Variants in XRN2 observed in about 807,000 individuals in gnomAD.
XRN2 encodes the protein DHM1-like protein.
Under a neutral mutation model 138.5 loss-of-function variants are expected in XRN2, and 44 were observed. The ratio of observed to expected loss-of-function variants is 0.32; its 90% CI spans 0.25 to 0.41. The LOEUF (loss-of-function observed/expected upper bound fraction) is 0.41. Among genes scored for constraint, XRN2 ranks in the 10% least tolerant of loss-of-function variants. The probability of loss-of-function intolerance (pLI) is 1.00; values close to 1 mark genes in which losing one functional copy is unlikely to be tolerated. For missense variants in XRN2, 937 were observed against 1,169.3 expected, an observed-to-expected ratio of 0.80 and a Z score of 2.90; for synonymous variants, 354 against 369.4, an observed-to-expected ratio of 0.96 and a Z score of 0.48.
At chr20:21,354,995 T>C (rs143246705) in intron 21 of XRN2, 123 bp downstream of exon 21, 80 of 685,244 alleles carry the variant, frequency 1.2e-4, no homozygotes, top group Admixed American at 4.9e-4. Flanking sequence ...AAATCATTGA[T>C]TTTATTTTCT....
At chr20:21,381,123 G>A (rs960479764) in intron 27 of XRN2, among the ~76,000 whole-genome samples, 10 of 152,102 alleles carry the variant, frequency 6.6e-5, no homozygotes, top group African/African-American at 2.4e-4. Context: ...ATTTTGAAAA[G>A]CATTTTTCTA....
intron 20 of XRN2, among the ~76,000 whole-genome samples, chr20:21,353,715 A>C (rs914115094): frequency 2.1e-4 from 32 of 150,192 alleles, no homozygotes; most frequent in Non-Finnish European, 7.4e-5. Flanking sequence ...GGATTGCTTG[A>C]GCCTGCAAGT....
At chr20:21,313,082 C>T (rs1042431631) in intron 1 of XRN2, among the ~76,000 whole-genome samples, 21 of 152,302 alleles carry the variant, frequency 1.4e-4, no homozygotes, top group African/African-American at 5.1e-4. Context: ...TTGACTGAAG[C>T]TCGACTGCTG....
chr20:21,374,373 T>C (rs2038795518), intron 27 of XRN2, among the ~76,000 whole-genome samples: 1 of 152,178 alleles, frequency 6.6e-6, no homozygotes, highest in South Asian at 2.1e-4. Flanking sequence ...GAAGTGATGA[T>C]GGTAGATATT....
intron 27 of XRN2, among the ~76,000 whole-genome samples, chr20:21,370,628 C>T (rs2038751052): frequency 6.6e-6 from 1 of 152,168 alleles, no homozygotes; most frequent in Non-Finnish European, 1.5e-5. Flanking sequence ...ATACCTTTAA[C>T]CCTATATTTC....
chr20:21,311,885 A>T (rs781322435), intron 1 of XRN2, among the ~76,000 whole-genome samples: 1 of 152,028 alleles, frequency 6.6e-6, no homozygotes, highest in Non-Finnish European at 1.5e-5. Flanking sequence ...AAACCCAGCT[A>T]CTCAGGAGGC....
intron 24 of XRN2, among the ~76,000 whole-genome samples, chr20:21,359,830 C>T (rs551798534): frequency 9.2e-5 from 14 of 152,038 alleles, no homozygotes; most frequent in Non-Finnish European, 1.9e-4. Context: ...TAAAAAATCT[C>T]AGAATATACT....
intron 16 of XRN2, among the ~76,000 whole-genome samples, chr20:21,344,804 T>C (rs556764266): frequency 2.0e-5 from 3 of 152,352 alleles, no homozygotes; most frequent in African/African-American, 7.2e-5. Flanking sequence ...TCCTGAAGTT[T>C]GAGATCATTA....
intron 16 of XRN2, 60 bp from the exon 17 acceptor site, chr20:21,346,355 T>C (rs1217085938): frequency 2.0e-5 from 32 of 1,595,408 alleles, no homozygotes; most frequent in Non-Finnish European, 2.5e-5. Context: ...TATAAATTAG[T>C]AGACAGCCTG....
At position 21,328,639 on chromosome 20, in the gene XRN2, G is replaced by C. The variant is rs1313663799; in HGVS notation, c.396G>C (p.Lys132Asn). 1.2e-6 allele frequency: 2 copies of C among 1,614,100 alleles called. No individual in the cohort carries two copies. The highest frequency in any genetic ancestry group is 1.7e-6 in the Non-Finnish European group (2 of 1,179,994). ...SKEGMEAAVE[K>N]QRVREEILAK... ...AAGGAATGGAAGCAGCAGTCGAGAA[G>C]CAGCGAGTCAGGGAAGAAATATTGG... The change falls in exon 4 of 30, where the codon AAG becomes AAC. Residue 132 changes from lysine (K) to asparagine (N), a missense_variant. Lys to Asn is a moderately conservative substitution (Grantham distance 94). Around this residue, in one of 6 missense-constraint regions of XRN2, gnomAD observed 471 missense variants for 581.2 expected, o/e 0.81. Coordinates refer to ENST00000377191, the MANE Select transcript of XRN2 (RefSeq NM_012255.5).
intron 1 of XRN2, among the ~76,000 whole-genome samples, chr20:21,322,131 G>A (rs564084504): frequency 6.6e-6 from 1 of 152,222 alleles, no homozygotes; most frequent in East Asian, 1.9e-4. Flanking sequence ...ACCTCACAAG[G>A]TTGTTGTGAG....
chr20:21,326,569 A>C lies in XRN2; in HGVS notation c.283A>C (p.Arg95=). The change falls in exon 3 of 30, where the codon AGA becomes CGA. Residue 95 remains arginine, a synonymous_variant. Coordinates refer to ENST00000377191, the MANE Select transcript of XRN2 (RefSeq NM_012255.5). ...IDRLFSIVRP[R]RLLYMAIDGV... The stretch of plus-strand genomic sequence containing the variant: ...CAGACTTTTCAGTATTGTAAGACCA[A>C]GAAGACTTCTCTACATGGCAATAGA... The C allele has an allele frequency of 6.2e-7, 1 of 1,614,072 alleles. No individual in the cohort carries two copies. The highest frequency in any genetic ancestry group is 8.5e-7 in the Non-Finnish European group (1 of 1,179,970).
rs1436419820 is a variant in XRN2, at chr20:21,356,135, C to T, written c.2076C>T (p.Leu692=). The T allele has an allele frequency of 6.2e-6, 10 of 1,612,722 alleles. No individual in the cohort carries two copies. In the South Asian group the frequency reaches 7.7e-5, roughly 12 times the overall value. ...DVLFVGKHHP[L]HDFILELYQT... Reference sequence around the variant, plus strand: ...TATTTGTGGGGAAACATCACCCACTCCATGACTTCATTTTAGAGCTGTACC... The same window carrying T: ...TATTTGTGGGGAAACATCACCCACTTCATGACTTCATTTTAGAGCTGTACC... The change falls in exon 22 of 30, where the codon CTC becomes CTT. Residue 692 remains leucine, a synonymous_variant. Coordinates refer to ENST00000377191, the MANE Select transcript of XRN2 (RefSeq NM_012255.5).
chr20:21,340,761 C>T lies in XRN2; in HGVS notation c.1319C>T (p.Pro440Leu), dbSNP rs2038361216. 1 of 1,613,808 alleles carries T rather than the reference C, an allele frequency of 6.2e-7. No individual in the cohort carries two copies. The highest frequency in any genetic ancestry group is 8.5e-7 in the Non-Finnish European group (1 of 1,179,902). Residue 440 changes from proline (P) to leucine (L), a missense_variant, in exon 15 of 30, where the codon CCT becomes CTT. Coordinates refer to ENST00000377191, the MANE Select transcript of XRN2 (RefSeq NM_012255.5). Reference sequence around the variant, plus strand: ...TTCACTCCTAGTGGAATATTAACTCCTCATGCCTTGGGTTCAAGAAATTCA... The same window carrying T: ...TTCACTCCTAGTGGAATATTAACTCTTCATGCCTTGGGTTCAAGAAATTCA... ...PAFTPSGILTPHALGSRNSPG... is the reference protein window; with the variant it reads ...PAFTPSGILTLHALGSRNSPG...
intron 1 of XRN2, 74 bp downstream of exon 1, chr20:21,303,547 C>A (rs548520483): frequency 2.8e-6 from 4 of 1,448,726 alleles, no homozygotes; most frequent in East Asian, 2.9e-5. Flanking sequence ...CCATGGGCTC[C>A]GCCGCCTGCC....
intron 24 of XRN2, among the ~76,000 whole-genome samples, chr20:21,359,729 T>C (rs1413873262): frequency 6.6e-6 from 1 of 152,190 alleles, no homozygotes; most frequent in Non-Finnish European, 1.5e-5. Flanking sequence ...GATCCAGTTT[T>C]TACAGCAGGT....
chr20:21,322,376 T>A (rs1375856756), intron 1 of XRN2, among the ~76,000 whole-genome samples: 2 of 152,196 alleles, frequency 1.3e-5, no homozygotes, highest in African/African-American at 4.8e-5. Context: ...CATTAGCCCT[T>A]TGGCCATTTC....
At chr20:21,367,210 C>T (rs1410169886) in intron 26 of XRN2, among the ~76,000 whole-genome samples, 1 of 152,028 alleles carries the variant, frequency 6.6e-6, no homozygotes, top group East Asian at 1.9e-4. Context: ...TTTTAGTTAA[C>T]TGAATTGTCT....
chr20:21,381,899 G>A (rs992075539), intron 27 of XRN2, 95 bp from the exon 28 acceptor site: 1 of 1,017,420 alleles, frequency 9.8e-7, no homozygotes, highest in South Asian at 2.2e-5. Context: ...GTCTTTCTCA[G>A]ATTTTTTTCA....
Sources: gnomAD v4.1 joint callset for allele counts (sites outside exome capture counted in the v4.1 genomes callset) on GRCh38, gnomAD v4.1.1 for gene constraint, gnomAD v4.1.1 regional missense constraint, MANE v1.5 for transcripts, NCBI Gene and HGNC (gene_info 2026-07-23, HGNC 2026-07-21) for gene names.